The following SYNPO variants were observed in gnomAD, a reference collection of about 807,000 sequenced individuals.
SYNPO encodes synaptopodin.
Under a neutral mutation model 49.5 loss-of-function variants are expected in SYNPO, and 19 were observed. The observed-to-expected ratio is 0.38, with a 90% CI of 0.27 to 0.56. The LOEUF (loss-of-function observed/expected upper bound fraction) is 0.56, where lower values mean the gene tolerates loss of function less well. Ranked by LOEUF, SYNPO falls within the 20% of genes least tolerant of loss-of-function variation. SYNPO has a pLI of 0.68. For synonymous variants in SYNPO, 536 were observed against 548.0 expected (o/e 0.98, Z 0.31); for missense variants, 1,131 against 1,248.3 (o/e 0.91, Z 1.42).
At chr5:150,590,133 A>G in the SYNPO span, among the ~76,000 whole-genome samples, 15 of 152,320 alleles carry the variant, frequency 9.8e-5, no homozygotes, top group Admixed American at 6.5e-4. Flanking sequence ...ATTATTTTAC[A>G]AGGCTCCCAT....
chr5:150,590,149 C>T, the SYNPO span, among the ~76,000 whole-genome samples: 6 of 152,224 alleles, frequency 3.9e-5, no homozygotes, highest in South Asian at 2.1e-4. Flanking sequence ...CCCATCAAAG[C>T]GCCAGCCGCA....
chr5:150,642,383 C>CA (rs1757940189), intron 1 of SYNPO, among the ~76,000 whole-genome samples: 1 of 152,204 alleles, frequency 6.6e-6, no homozygotes, highest in African/African-American at 2.4e-5. Context: ...AAAGGGCTAG[C>CA]ACCCCAACTT....
At chr5:150,617,453 G>A (rs62380576) in intron 1 of SYNPO, among the ~76,000 whole-genome samples, 3 of 152,118 alleles carry the variant, frequency 2.0e-5, no homozygotes, top group East Asian at 1.9e-4. Flanking sequence ...CTACCACTAC[G>A]CCCAGCTAAT....
At chr5:150,624,763 G>C in intron 2 of SYNPO, 1 of 812,462 alleles carries the variant, frequency 1.2e-6, no homozygotes, top group East Asian at 1.3e-4. Flanking sequence ...TGGCGGCGGC[G>C]AGGAGGGGGC....
At chr5:150,616,473 C>T (rs1401496253) in intron 1 of SYNPO, among the ~76,000 whole-genome samples, 1 of 152,188 alleles carries the variant, frequency 6.6e-6, no homozygotes, top group Non-Finnish European at 1.5e-5. Context: ...TGTAATTGGC[C>T]ATCTGCTCTG....
chr5:150,591,955 C>G, the SYNPO span, among the ~76,000 whole-genome samples: 1 of 152,138 alleles, frequency 6.6e-6, no homozygotes, highest in East Asian at 1.9e-4. Flanking sequence ...CACCTGAGGT[C>G]AGGAGTTCGA....
chr5:150,657,703 C>G lies in SYNPO; in HGVS notation c.*616C>G, dbSNP rs1277201845. 1 of 152,652 alleles carries G rather than the reference C, an allele frequency of 6.6e-6. No homozygotes were observed. The highest frequency in any genetic ancestry group is 1.5e-5 in the Non-Finnish European group (1 of 68,318). The allele number at this position is 152,652 out of a possible 1,614,324, so 9.5% of individuals were successfully genotyped here. ...CAGGAGCAGCTGTTTTCCATCCCTT[C>G]CCAGACAAGCTCTATTTTTATCACA... On this transcript the variant is annotated 3_prime_UTR_variant, in exon 3 of 3. Transcript: ENST00000307662.
chr5:150,589,252 C>T, the SYNPO span, among the ~76,000 whole-genome samples: 3 of 151,980 alleles, frequency 2.0e-5, no homozygotes, highest in Non-Finnish European at 2.9e-5. Context: ...TCAGTAGAGA[C>T]GGGGTTTGGC....
Position 150,650,230 on chromosome 5 carries a change from G to A in SYNPO, c.1955G>A (p.Arg652Lys), listed in dbSNP as rs1299023810. 2.2e-5 allele frequency: 35 copies of A among 1,613,942 alleles called. No homozygotes were observed. Among genetic ancestry groups the A allele is most frequent in the Non-Finnish European group, 3.0e-5 (35 of 1,180,028 alleles). ...GACATCTCCCCCGTGTCTCCCTCCA[G>A]GGCGTGGTCTCCCCGAGCCAAGCAG... ...GGDISPVSPSRAWSPRAKQAP... is the reference protein window; with the variant it reads ...GGDISPVSPSKAWSPRAKQAP... Residue 652 changes from arginine to lysine, a missense_variant, in exon 2 of 3, where the codon AGG (arginine) becomes AAG (lysine). Arg to Lys is a conservative substitution (Grantham distance 26). Around this residue, in one of 4 missense-constraint regions of SYNPO, gnomAD observed 509 missense variants for 484.5 expected, o/e 1.05. Transcript: ENST00000307662.
chr5:150,599,339 G>T (rs953878561), upstream of SYNPO, among the ~76,000 whole-genome samples: 1 of 152,234 alleles, frequency 6.6e-6, no homozygotes, highest in Non-Finnish European at 1.5e-5. Context: ...CTGCATCAGT[G>T]CCCCCTTTTT....
intron 1 of SYNPO, among the ~76,000 whole-genome samples, chr5:150,610,767 C>T (rs754810962): frequency 5.9e-5 from 9 of 152,006 alleles, no homozygotes; most frequent in Non-Finnish European, 1.0e-4. Context: ...CTACCAATAA[C>T]GAACTTGGAA....
At chr5:150,620,955 C>CTTTTCTTTTCT (rs1384764974) in intron 2 of SYNPO, among the ~76,000 whole-genome samples, 1 of 71,170 alleles carries the variant, frequency 1.4e-5, no homozygotes, top group African/African-American at 5.3e-5. Context: ...CTTTTCTTTT[C>CTTTTCTTTTCT]TTTTTTTTTT....
chr5:150,610,552 C>T (rs528202747), intron 1 of SYNPO, among the ~76,000 whole-genome samples: 23 of 152,288 alleles, frequency 1.5e-4, no homozygotes, highest in African/African-American at 4.8e-4. Context: ...TGATACAGTG[C>T]CCAGCACATG....
chr5:150,648,016 C>A lies in SYNPO; in HGVS notation c.-260C>A. The A allele has an allele frequency of 6.4e-7, 1 of 1,551,868 alleles. No individual in the cohort carries two copies. The highest frequency in any genetic ancestry group is 8.7e-7 in the Non-Finnish European group (1 of 1,147,006). ...AAGGCGCGGAGCCAGCAGATTGCAG[C>A]CCAGCTGACCACCCCTCCCAGCTCC... On this transcript the variant is annotated 5_prime_UTR_variant, in exon 2 of 3. Coordinates refer to ENST00000307662, the MANE Select transcript of SYNPO (RefSeq NM_007286.6). This position sits in a 1 kb window ranked among gnomAD's most constrained non-coding sequence, Gnocchi z 5.0.
the SYNPO span, among the ~76,000 whole-genome samples, chr5:150,592,614 G>T: frequency 6.6e-6 from 1 of 152,234 alleles, no homozygotes; most frequent in East Asian, 1.9e-4. Context: ...ATTGGGGCTG[G>T]ACCCATAGGC....
chr5:150,612,289 C>A (rs979228549), intron 1 of SYNPO, among the ~76,000 whole-genome samples: 2 of 152,154 alleles, frequency 1.3e-5, no homozygotes, highest in African/African-American at 4.8e-5. Context: ...CAGGATGCCT[C>A]CGTTTTGCTC....
chr5:150,654,382 A>ACACT (rs1758489717), intron 2 of SYNPO: 2 of 148,850 alleles, frequency 1.3e-5, no homozygotes, highest in Non-Finnish European at 1.5e-5. Context: ...ACACACACAC[A>ACACT]CTTCCTGGTG....
the SYNPO span, among the ~76,000 whole-genome samples, chr5:150,592,855 C>T: frequency 6.4e-3 from 969 of 152,324 alleles, 7 homozygotes; most frequent in Non-Finnish European, 8.0e-3. Context: ...TCCTCTAATA[C>T]CACCTACCAG....
At chr5:150,626,960 G>A (rs1001389183) in intron 2 of SYNPO, among the ~76,000 whole-genome samples, 4 of 152,306 alleles carry the variant, frequency 2.6e-5, no homozygotes, top group Admixed American at 2.6e-4. Context: ...CCCATTTCCA[G>A]GGCTGACATG....
Sources: allele counts gnomAD v4.1 joint callset (sites outside exome capture counted in the v4.1 genomes callset), GRCh38; gene constraint gnomAD v4.1.1; regional missense constraint gnomAD v4.1.1; non-coding constraint Gnocchi (gnomAD v3.1); transcripts MANE v1.5; gene names NCBI Gene and HGNC (gene_info 2026-07-23, HGNC 2026-07-21).